Variants in ERGIC1 observed in about 807,000 individuals in gnomAD.
ERGIC1 encodes the protein endoplasmic reticulum-Golgi intermediate compartment protein 1.
ERGIC1 carries 19 observed loss-of-function variants against 38.3 expected under a neutral mutation model. The ratio of observed to expected loss-of-function variants is 0.50; its 90% CI spans 0.35 to 0.73. ERGIC1 has a LOEUF of 0.73. Ranked by LOEUF, ERGIC1 falls within the 30% of genes least tolerant of loss-of-function variation. The pLI, the probability that ERGIC1 is intolerant of heterozygous loss-of-function variation, is 0.01. For missense variants in ERGIC1, 294 were observed against 389.2 expected, an observed-to-expected ratio of 0.76 and a Z score of 2.06; for synonymous variants, 124 against 157.6, an observed-to-expected ratio of 0.79 and a Z score of 1.60.
intron 5 of ERGIC1, among the ~76,000 whole-genome samples, chr5:172,921,138 ATCT>A (rs1246338935): frequency 1.3e-5 from 2 of 152,164 alleles, no homozygotes; most frequent in African/African-American, 4.8e-5. Context: ...CCTCCCAGTA[ATCT>A]TCTGGCTTTA....
chr5:172,946,378 C>T (rs1764121344), intron 9 of ERGIC1, among the ~76,000 whole-genome samples: 4 of 152,240 alleles, frequency 2.6e-5, no homozygotes, highest in African/African-American at 9.6e-5. Context: ...CCAGCGGCAC[C>T]CCTGCCCTCC....
chr5:172,849,958 C>A (rs1351003607), intron 1 of ERGIC1, among the ~76,000 whole-genome samples: 1 of 152,118 alleles, frequency 6.6e-6, no homozygotes, highest in African/African-American at 2.4e-5. Context: ...CTGTTCTTAC[C>A]CATCAAGTTG....
intron 2 of ERGIC1, among the ~76,000 whole-genome samples, chr5:172,889,879 G>A (rs542824641): frequency 3.3e-5 from 5 of 152,232 alleles, no homozygotes; most frequent in Non-Finnish European, 7.3e-5. Flanking sequence ...TGAGCAACAT[G>A]TTGGCACTGA....
intron 2 of ERGIC1, among the ~76,000 whole-genome samples, chr5:172,892,360 A>C (rs1028758574): frequency 2.0e-5 from 3 of 152,212 alleles, no homozygotes; most frequent in Non-Finnish European, 2.9e-5. Context: ...ACTTGGACAC[A>C]CACCATTTCA....
At chr5:172,861,020 G>A (rs768104251) in intron 1 of ERGIC1, among the ~76,000 whole-genome samples, 6 of 152,212 alleles carry the variant, frequency 3.9e-5, no homozygotes, top group African/African-American at 7.2e-5. Context: ...GGCACTCTGC[G>A]CTCTGCTTCA....
Position 172,834,589 on chromosome 5 carries a change from C to G in ERGIC1, c.20+156C>G, listed in dbSNP as rs1318117333. Among the ~76,000 whole-genome samples, 7 of 136,484 alleles carry G rather than the reference C, an allele frequency of 5.1e-5. No individual in the cohort carries two copies. In the East Asian group the frequency reaches 1.6e-3, roughly 30 times the overall value. 89.5% of individuals were successfully genotyped at this position (136,484 alleles called of 152,430 possible). A position where few individuals can be genotyped will look rare whatever the true frequency, so the allele number is the denominator to read the frequency against. On this transcript the variant is annotated intron_variant, in intron 1 of 9. Transcript: ENST00000393784. This position sits in a 1 kb window ranked among gnomAD's most constrained non-coding sequence, Gnocchi z 4.1. ...TAGGGACCCCAGGCGAGCCCCCCCC[C>G]TGCCGCACACGAAGCCAGCCAGAGC...
At chr5:172,898,522 C>T (rs950577211) in intron 3 of ERGIC1, 2 of 152,306 alleles carry the variant, frequency 1.3e-5, no homozygotes, top group Admixed American at 6.5e-5. Context: ...CTTTCCTGGT[C>T]ACTCTGATCC....
chr5:172,928,063 G>T (rs1047867973), intron 7 of ERGIC1, among the ~76,000 whole-genome samples: 1 of 152,118 alleles, frequency 6.6e-6, no homozygotes. Context: ...GATGATTCTT[G>T]GTGTGGTGCC....
At chr5:172,869,149 G>A (rs542731504) in intron 1 of ERGIC1, among the ~76,000 whole-genome samples, 16 of 152,380 alleles carry the variant, frequency 1.1e-4, no homozygotes, top group African/African-American at 3.8e-4. Flanking sequence ...GGGAATGGCA[G>A]GCATGCCAGG....
At chr5:172,930,048 C>T (rs1561740966) in intron 7 of ERGIC1, among the ~76,000 whole-genome samples, 2 of 151,986 alleles carry the variant, frequency 1.3e-5, no homozygotes, top group East Asian at 2.0e-4. Flanking sequence ...ATTAGCCAGG[C>T]GTGGTGGCAG....
intron 9 of ERGIC1, among the ~76,000 whole-genome samples, chr5:172,949,913 A>G (rs1369758766): frequency 6.6e-6 from 1 of 152,180 alleles, no homozygotes; most frequent in Non-Finnish European, 1.5e-5. Flanking sequence ...CTCTACTAAA[A>G]ATACAAAAAA....
intron 1 of ERGIC1, among the ~76,000 whole-genome samples, chr5:172,876,451 T>C (rs551668459): frequency 6.6e-6 from 1 of 152,222 alleles, no homozygotes; most frequent in Non-Finnish European, 1.5e-5. Flanking sequence ...GAGTTGGTGG[T>C]GTAGGATCTT....
At chr5:172,847,466 C>T (rs1761306945) in intron 1 of ERGIC1, among the ~76,000 whole-genome samples, 1 of 152,158 alleles carries the variant, frequency 6.6e-6, no homozygotes. Flanking sequence ...CTACTATCAT[C>T]ATAATTTTTG....
At chr5:172,840,070 T>C (rs1273101292) in intron 1 of ERGIC1, among the ~76,000 whole-genome samples, 1 of 152,236 alleles carries the variant, frequency 6.6e-6, no homozygotes, top group Non-Finnish European at 1.5e-5. Flanking sequence ...CCTAGCCTCA[T>C]GTAGCGTGAT....
intron 1 of ERGIC1, among the ~76,000 whole-genome samples, chr5:172,860,317 T>C (rs528746098): frequency 6.6e-6 from 1 of 152,364 alleles, no homozygotes; most frequent in Non-Finnish European, 1.5e-5. Flanking sequence ...CAGCCCTGAA[T>C]AGGGTTCTCT....
At chr5:172,859,639 G>T (rs115342529) in intron 1 of ERGIC1, among the ~76,000 whole-genome samples, 1,652 of 152,300 alleles carry the variant, frequency 0.011, 27 homozygotes, top group African/African-American at 0.032. Context: ...ACCTCTGAGG[G>T]AATCACCTTA....
chr5:172,850,925 C>T (rs1266396085), intron 1 of ERGIC1, among the ~76,000 whole-genome samples: 1 of 152,128 alleles, frequency 6.6e-6, no homozygotes, highest in East Asian at 1.9e-4. Context: ...TCCAGCCGGG[C>T]ACGGTGGCTC....
At chr5:172,944,561 G>C (rs1198962396) in intron 9 of ERGIC1, among the ~76,000 whole-genome samples, 1 of 152,196 alleles carries the variant, frequency 6.6e-6, no homozygotes, top group South Asian at 2.1e-4. Flanking sequence ...GTTTCGCCTT[G>C]TTGGCCAGGC....
chr5:172,914,497 C>T (rs1055385427), intron 4 of ERGIC1: 9 of 700,594 alleles, frequency 1.3e-5, no homozygotes, highest in Admixed American at 2.4e-5. Flanking sequence ...AGGGTGGCCC[C>T]GGGACCCCTA....
Sources: gnomAD v4.1 joint callset for allele counts (sites outside exome capture counted in the v4.1 genomes callset) on GRCh38, gnomAD v4.1.1 for gene constraint, Gnocchi (gnomAD v3.1) non-coding constraint, MANE v1.5 for transcripts, NCBI Gene and HGNC (gene_info 2026-07-23, HGNC 2026-07-21) for gene names.